DSG2: variants seen among roughly 807,000 people sequenced by gnomAD.
DSG2 encodes desmoglein 2.
DSG2 carries 45 observed loss-of-function variants against 75.6 expected under a neutral mutation model. That is an observed-to-expected ratio of 0.60 (90% CI 0.47 to 0.76). The LOEUF is 0.76. Ranked by LOEUF, DSG2 falls within the 30% of genes least tolerant of loss-of-function variation. The pLI is 0.00. For synonymous variants in DSG2, 429 were observed against 483.9 expected, an observed-to-expected ratio of 0.89 and a Z score of 1.49; for missense variants, 1,267 against 1,357.4, an observed-to-expected ratio of 0.93 and a Z score of 1.05.
intron 8 of DSG2, among the ~76,000 whole-genome samples, chr18:31,529,401 G>A (rs1419752842): frequency 6.6e-6 from 1 of 151,890 alleles, no homozygotes; most frequent in Non-Finnish European, 1.5e-5. Flanking sequence ...TTTCTCATCC[G>A]GCATATATCA....
At chr18:31,504,707 C>G (rs146982207) in intron 1 of DSG2, among the ~76,000 whole-genome samples, 1 of 152,198 alleles carries the variant, frequency 6.6e-6, no homozygotes, top group Admixed American at 6.5e-5. Context: ...AATCCATGCT[C>G]GTCATTGAGC....
At chr18:31,498,546 G>T (rs1441005650) in intron 1 of DSG2, among the ~76,000 whole-genome samples, 1 of 152,130 alleles carries the variant, frequency 6.6e-6, no homozygotes, top group African/African-American at 2.4e-5. Flanking sequence ...TCCTTCCCGC[G>T]TCACCCAGGC....
At chr18:31,529,593 T>C (rs2073182312) in intron 8 of DSG2, among the ~76,000 whole-genome samples, 3 of 152,174 alleles carry the variant, frequency 2.0e-5, no homozygotes, top group Admixed American at 2.0e-4. Flanking sequence ...CAGAGCCCAA[T>C]AGAGAGGAAA....
At chr18:31,518,723 A>G (rs1001987668) in intron 2 of DSG2, among the ~76,000 whole-genome samples, 1 of 142,236 alleles carries the variant, frequency 7.0e-6, no homozygotes, top group African/African-American at 2.5e-5. Flanking sequence ...ATTTTGTTCA[A>G]GTAAAAAAAA....
rs1598810722 is a variant in DSG2 at position 31,521,171 on chromosome 18, G to A, written c.451G>A (p.Asp151Asn). 6.2e-7 allele frequency: 1 copy of A among 1,613,608 alleles called. No homozygotes were observed. The highest frequency in any genetic ancestry group is 8.5e-7 in the Non-Finnish European group (1 of 1,179,884). The change falls in exon 5 of 15, where the codon GAT becomes AAT. Residue 151 changes from aspartate to asparagine, a missense_variant. Transcript: ENST00000261590. ...CTTAGAGCTACGCATTAAGGTTCTT[G>A]ATATCAATGACAACGAACCAGTGTT... The part of the protein sequence containing the change: ...KPLELRIKVL[D>N]INDNEPVFTQ...
At chr18:31,533,349 G>T (rs537325043) in intron 9 of DSG2, among the ~76,000 whole-genome samples, 1 of 152,218 alleles carries the variant, frequency 6.6e-6, no homozygotes, top group South Asian at 2.1e-4. Context: ...GGTGGCACAT[G>T]TTTGTAGTCC....
chr18:31,534,606 G>A (rs2073217830), intron 9 of DSG2, among the ~76,000 whole-genome samples: 1 of 147,870 alleles, frequency 6.8e-6, no homozygotes, highest in African/African-American at 2.5e-5. Context: ...CACCTCCTGG[G>A]TTCAAGCAGT....
rs376390680 is a variant in DSG2, at chr18:31,542,481, T to C, written c.2002-39T>C. ...TACCAAGGATGAAGGATTCCCTCCA[T>C]CCTCCTGACTCAGTTCTCAGCTGTG... is the stretch of plus-strand genomic sequence containing the variant. On this transcript the variant is annotated intron_variant, in intron 13 of 14. Coordinates refer to ENST00000261590, the MANE Select transcript of DSG2 (RefSeq NM_001943.5). 2.2e-5 allele frequency: 36 copies of C among 1,607,956 alleles called. No homozygotes were observed. The African/African-American group carries it at 4.3e-4, about 19-fold the overall frequency.
intron 9 of DSG2, among the ~76,000 whole-genome samples, chr18:31,534,186 A>C (rs2053825): frequency 0.28 from 42,606 of 151,632 alleles, 6,162 homozygotes; most frequent in East Asian, 0.47. Flanking sequence ...TGGGGTTTTA[A>C]CCTGTTGGTC....
rs1305996368 is a variant in DSG2, at chr18:31,538,851, G to A, written c.1752G>A (p.Gln584=). The change falls in exon 12 of 15, where the codon CAG becomes CAA. Residue 584 remains glutamine (Q), a synonymous_variant. Coordinates refer to ENST00000261590, the MANE Select transcript of DSG2 (RefSeq NM_001943.5). The part of the protein sequence containing the change: ...DNQGFSCPEK[Q]VLTLTVCECL... The stretch of plus-strand genomic sequence containing the variant: ...AGGGTTTTAGTTGTCCTGAAAAGCA[G>A]GTCCTTACACTCACAGTTTGTGAGT... The A allele has an allele frequency of 3.1e-6, 5 of 1,614,190 alleles. No individual in the cohort carries two copies. The highest frequency in any genetic ancestry group is 3.4e-6 in the Non-Finnish European group (4 of 1,180,026).
chr18:31,507,777 G>GT (rs1181457698), intron 1 of DSG2, among the ~76,000 whole-genome samples: 7 of 152,088 alleles, frequency 4.6e-5, no homozygotes, highest in African/African-American at 4.8e-5. Context: ...AGGGCTGAGT[G>GT]TTTTTTTCTT....
chr18:31,546,847 C>T lies in DSG2; in HGVS notation c.*104C>T. On this transcript the variant is annotated 3_prime_UTR_variant, in exon 15 of 15. Transcript: ENST00000261590. ...TGAGCCTTACAGACACACAGAGACA[C>T]ATACACATTGATCTTAAAATTTTTC... The T allele has an allele frequency of 7.9e-7, 1 of 1,265,784 alleles. No individual in the cohort carries two copies. Among genetic ancestry groups the T allele is most frequent in the Non-Finnish European group, 1.2e-6 (1 of 869,120 alleles). 78.4% of individuals were successfully genotyped at this position (1,265,784 alleles called of 1,614,324 possible).
chr18:31,545,726 G>T lies in DSG2; in HGVS notation c.2340G>T (p.Ala780=), dbSNP rs375539435. 7.5e-5 allele frequency: 121 copies of T among 1,613,432 alleles called. No individual in the cohort carries two copies. Among genetic ancestry groups the T allele is most frequent in the Non-Finnish European group, 9.9e-5 (117 of 1,180,012 alleles). The change falls in exon 15 of 15, where the codon GCG becomes GCT. Residue 780 remains alanine, a synonymous_variant. Coordinates refer to ENST00000261590, the MANE Select transcript of DSG2 (RefSeq NM_001943.5). ...TTGTTTTGTTTTCATTTTAGAAAGC[G>T]GCCTCTTACACTGAGGAAGATGAAA... ...EFLRNYFTDK[A]ASYTEEDENH... is the part of the protein sequence containing the mutation.
chr18:31,510,803 C>A (rs2073062441), intron 1 of DSG2, among the ~76,000 whole-genome samples: 1 of 152,194 alleles, frequency 6.6e-6, no homozygotes, highest in Non-Finnish European at 1.5e-5. Flanking sequence ...TAGCAGCTTA[C>A]TTTTCCTCGT....
At chr18:31,507,158 A>G (rs1002138679) in intron 1 of DSG2, among the ~76,000 whole-genome samples, 9 of 151,886 alleles carry the variant, frequency 5.9e-5, no homozygotes, top group Middle Eastern at 3.4e-3. Context: ...CTCCCCACTT[A>G]TAAGTGAGAA....
intron 1 of DSG2, among the ~76,000 whole-genome samples, chr18:31,513,526 G>A (rs1402580425): frequency 1.3e-5 from 2 of 152,228 alleles, no homozygotes. Context: ...CCATGAGCTA[G>A]GCAGGGTCTA....
Position 31,545,988 on chromosome 18 carries a change from C to T in DSG2, c.2602C>T (p.His868Tyr). The T allele has an allele frequency of 6.2e-7, 1 of 1,614,202 alleles. No homozygotes were observed. Among genetic ancestry groups the T allele is most frequent in the African/African-American group, 1.3e-5 (1 of 75,054 alleles). ...ATETSMNTAS[H>Y]SLCEQTMVNS... is the part of the protein sequence containing the mutation. ...AGAAACAAGTATGAACACAGCTTCA[C>T]ATTCACTCTGTGAGCAAACTATGGT... is the stretch of plus-strand genomic sequence containing the variant. Residue 868 changes from histidine (H) to tyrosine (Y), a missense_variant, in exon 15 of 15, where the codon CAT (histidine) becomes TAT (tyrosine). Coordinates refer to ENST00000261590, the MANE Select transcript of DSG2 (RefSeq NM_001943.5).
At chr18:31,505,545 T>G (rs1316930661) in intron 1 of DSG2, among the ~76,000 whole-genome samples, 1 of 152,176 alleles carries the variant, frequency 6.6e-6, no homozygotes, top group Non-Finnish European at 1.5e-5. Context: ...TCTTTAAAAA[T>G]GTGAGTTAAA....
Position 31,548,002 on chromosome 18 carries a change from C to T in DSG2, c.*1259C>T, listed in dbSNP as rs1214983878. The T allele has an allele frequency of 6.6e-6, 1 of 152,098 alleles. No homozygotes were observed. The highest frequency in any genetic ancestry group is 2.4e-5 in the African/African-American group (1 of 41,422). The allele number at this position is 152,098 out of a possible 1,614,324, so 9.4% of individuals were successfully genotyped here. A position where few individuals can be genotyped will look rare whatever the true frequency, so the allele number is the denominator to read the frequency against. On this transcript the variant is annotated 3_prime_UTR_variant, in exon 15 of 15. Transcript: ENST00000261590. ...TAGAATTACACTGAATTGTAAAAAC[C>T]ATTCGTTTTTGTTTACAATTGCCAA...
Sources: allele counts gnomAD v4.1 joint callset (sites outside exome capture counted in the v4.1 genomes callset), GRCh38; gene constraint gnomAD v4.1.1; transcripts MANE v1.5; gene names NCBI Gene and HGNC (gene_info 2026-07-23, HGNC 2026-07-21).